The following RFX4 variants were observed in gnomAD, a reference collection of about 807,000 sequenced individuals.
RFX4 encodes regulatory factor X4, also known as transcription factor RFX4.
RFX4 carries 10 observed loss-of-function variants against 95.0 expected under a neutral mutation model. The observed-to-expected ratio is 0.11, with a 90% CI of 0.06 to 0.18. RFX4 has a LOEUF of 0.18. Ranked by LOEUF, RFX4 falls within the 10% of genes least tolerant of loss-of-function variation. The probability of loss-of-function intolerance (pLI) is 1.00; values close to 1 mark genes in which losing one functional copy is unlikely to be tolerated. For missense variants in RFX4, 640 were observed against 922.0 expected (o/e 0.69, Z 3.96); for synonymous variants, 321 against 340.7 (o/e 0.94, Z 0.64).
chr12:106,743,950 T>C (rs1480743061), intron 15 of RFX4, among the ~76,000 whole-genome samples: 1 of 152,220 alleles, frequency 6.6e-6, no homozygotes, highest in Non-Finnish European at 1.5e-5. Flanking sequence ...GTTTAATGTA[T>C]TAATGTTTTT....
At chr12:106,701,166 T>C (rs776698380) in intron 8 of RFX4, among the ~76,000 whole-genome samples, 3 of 152,230 alleles carry the variant, frequency 2.0e-5, no homozygotes, top group Non-Finnish European at 2.9e-5. Context: ...AATTAACACG[T>C]TTTTCACTTT....
intron 2 of RFX4, among the ~76,000 whole-genome samples, chr12:106,621,357 A>C (rs2040182988): frequency 6.6e-6 from 1 of 152,220 alleles, no homozygotes; most frequent in Admixed American, 6.5e-5. Flanking sequence ...AGAGAGAGCT[A>C]GCAGATCTCC....
In RFX4 at chr12:106,583,245, C is replaced by T. The variant is rs1771502821; in HGVS notation, c.-76C>T. The T allele has an allele frequency of 2.2e-6, 3 of 1,374,440 alleles. 1 individual carries two copies. In the South Asian group the frequency reaches 4.2e-5, roughly 19 times the overall value. 85.1% of individuals were successfully genotyped at this position (1,374,440 alleles called of 1,614,324 possible). A position where few individuals can be genotyped will look rare whatever the true frequency, so the allele number is the denominator to read the frequency against. ...TTCTCCCTCCCTCCCTCCCTTCCTC[C>T]CTGGGCATCTCTAGCACAGGGGATC... On this transcript the variant is annotated 5_prime_UTR_variant, in exon 1 of 18. Transcript: ENST00000392842.
At chr12:106,665,816 A>G (rs1284310333) in intron 4 of RFX4, among the ~76,000 whole-genome samples, 1 of 151,782 alleles carries the variant, frequency 6.6e-6, no homozygotes, top group African/African-American at 2.4e-5. Flanking sequence ...GTAAAAAAAA[A>G]CATGCACACA....
At chr12:106,654,469 G>A in intron 4 of RFX4, 118 bp downstream of exon 4, 1 of 1,210,796 alleles carries the variant, frequency 8.3e-7, no homozygotes, top group Non-Finnish European at 1.1e-6. Flanking sequence ...ACTTACTTTG[G>A]TACTTTGACA....
chr12:106,713,662 T>C lies in RFX4; in HGVS notation c.994-1738T>C, dbSNP rs190266119. Among the ~76,000 whole-genome samples, 212 of 152,298 alleles carry C rather than the reference T, an allele frequency of 1.4e-3. 3 individuals carry two copies. The highest frequency in any genetic ancestry group is 5.1e-4 in the Non-Finnish European group (35 of 68,024). On this transcript the variant is annotated intron_variant, in intron 10 of 17. Coordinates refer to ENST00000392842, the MANE Select transcript of RFX4 (RefSeq NM_213594.3). ...CAGTAGCCACTTTTATTGAGTTCCC[T>C]GCACTATGCACTCTGTTTTTCAAAC...
intron 17 of RFX4, among the ~76,000 whole-genome samples, chr12:106,760,559 C>A (rs997559631): frequency 6.6e-6 from 1 of 152,128 alleles, no homozygotes; most frequent in Admixed American, 6.5e-5. Context: ...CATGTATCTT[C>A]CAGGAGTTCA....
intron 8 of RFX4, among the ~76,000 whole-genome samples, chr12:106,699,413 G>T (rs959880035): frequency 6.6e-6 from 1 of 152,104 alleles, no homozygotes; most frequent in Admixed American, 6.5e-5. Flanking sequence ...TGTCAACTAG[G>T]TCAAGTTAAT....
At chr12:106,590,141 G>T (rs572198617) in intron 1 of RFX4, among the ~76,000 whole-genome samples, 17 of 152,376 alleles carry the variant, frequency 1.1e-4, no homozygotes, top group Non-Finnish European at 1.6e-4. Context: ...ATGGTGATGG[G>T]GTTGTTGGCT....
chr12:106,609,242 A>T (rs1371621757), intron 2 of RFX4, among the ~76,000 whole-genome samples: 2 of 152,232 alleles, frequency 1.3e-5, no homozygotes, highest in Admixed American at 6.5e-5. Context: ...ATGGGTTCAA[A>T]GTAGTTGTGT....
At chr12:106,604,115 CTTT>C (rs1163891542) in intron 1 of RFX4, among the ~76,000 whole-genome samples, 3 of 112,808 alleles carry the variant, frequency 2.7e-5, no homozygotes, top group African/African-American at 3.6e-5. Context: ...GCTTCTCTCT[CTTT>C]TTTTTTTTTT....
rs2042376708 is a variant in RFX4 at position 106,720,521 on chromosome 12, T to C, written c.1234-238T>C. Among the ~76,000 whole-genome samples the C allele has an allele frequency of 6.6e-6, 1 of 152,114 alleles. No homozygotes were observed. ...CCTCAGCCTCCTGAGTAGCTGGGAC[T>C]ACAGGGGTGTGCCACCATTCCCAGC... On this transcript the variant is annotated intron_variant, in intron 12 of 17. Coordinates refer to ENST00000392842, the MANE Select transcript of RFX4 (RefSeq NM_213594.3). The surrounding 1 kb of genome is among the most constrained non-coding windows in gnomAD (Gnocchi z 4.2).
chr12:106,628,424 T>C (rs1440062795), intron 2 of RFX4, among the ~76,000 whole-genome samples: 1 of 152,190 alleles, frequency 6.6e-6, no homozygotes, highest in East Asian at 1.9e-4. Flanking sequence ...AAATAGACCA[T>C]AAAGCCTCCC....
rs922380360 is a variant in RFX4, at chr12:106,653,468, C to T, written c.192-760C>T. Among the ~76,000 whole-genome samples, 4 of 152,128 alleles carry T rather than the reference C, an allele frequency of 2.6e-5. No homozygotes were observed. The East Asian group carries it at 7.7e-4, about 29-fold the overall frequency. ...GGAGGCACTTACAATTCAATCCCAC[C>T]AAAAGGAAACTGAGGCCTGAGCTTA... On this transcript the variant is annotated intron_variant, in intron 3 of 17. Coordinates refer to ENST00000392842, the MANE Select transcript of RFX4 (RefSeq NM_213594.3).
intron 4 of RFX4, among the ~76,000 whole-genome samples, chr12:106,668,732 C>T (rs1402960455): frequency 6.6e-6 from 1 of 152,164 alleles, no homozygotes; most frequent in Non-Finnish European, 1.5e-5. Context: ...GTATATGCTA[C>T]AACTATGAAA....
intron 5 of RFX4, among the ~76,000 whole-genome samples, chr12:106,685,967 G>A (rs1300910821): frequency 6.6e-6 from 1 of 152,164 alleles, no homozygotes; most frequent in African/African-American, 2.4e-5. Flanking sequence ...CCAATCCCTT[G>A]TTAGTCTTAA....
chr12:106,642,452 CA>C (rs1206039144), intron 3 of RFX4, among the ~76,000 whole-genome samples: 3 of 151,610 alleles, frequency 2.0e-5, no homozygotes, highest in Non-Finnish European at 2.9e-5. Flanking sequence ...CCTGTCTCTG[CA>C]AAAAACAAAA....
At chr12:106,625,504 T>C (rs1417156948) in intron 2 of RFX4, among the ~76,000 whole-genome samples, 1 of 152,202 alleles carries the variant, frequency 6.6e-6, no homozygotes, top group African/African-American at 2.4e-5. Context: ...TCAGTAGATA[T>C]GTATGCTTCT....
intron 1 of RFX4, among the ~76,000 whole-genome samples, chr12:106,587,285 G>A (rs2137160832): frequency 6.6e-6 from 1 of 152,320 alleles, no homozygotes; most frequent in Non-Finnish European, 1.5e-5. Context: ...TTCCAAAGCC[G>A]CTCCCGCCCC....
Sources: gnomAD v4.1 joint callset for allele counts (sites outside exome capture counted in the v4.1 genomes callset) on GRCh38, gnomAD v4.1.1 for gene constraint, Gnocchi (gnomAD v3.1) non-coding constraint, MANE v1.5 for transcripts, NCBI Gene and HGNC (gene_info 2026-07-23, HGNC 2026-07-21) for gene names.